Variants in NRG3 observed in about 807,000 individuals in gnomAD.
The protein encoded by NRG3 is pro-neuregulin-3, membrane-bound isoform.
NRG3 carries 31 observed loss-of-function variants against 66.9 expected under a neutral mutation model. The ratio of observed to expected loss-of-function variants is 0.46; its 90% CI spans 0.35 to 0.63. NRG3 has a LOEUF of 0.63. Among genes scored for constraint, NRG3 ranks in the 20% least tolerant of loss-of-function variants. NRG3 has a pLI of 0.00. For missense variants in NRG3, 910 were observed against 878.9 expected (o/e 1.04, Z -0.45); for synonymous variants, 393 against 359.4 (o/e 1.09, Z -1.06).
intron 2 of NRG3, among the ~76,000 whole-genome samples, chr10:82,479,932 C>T (rs919823170): frequency 2.6e-5 from 4 of 152,216 alleles, no homozygotes; most frequent in Non-Finnish European, 5.9e-5. Flanking sequence ...GGCGCCACTG[C>T]ACTCCAGCCT....
At chr10:82,572,407 C>T (rs665296) in intron 2 of NRG3, among the ~76,000 whole-genome samples, 1 of 151,302 alleles carries the variant, frequency 6.6e-6, no homozygotes, top group Non-Finnish European at 1.5e-5. Flanking sequence ...TTAGTAAAGT[C>T]GACTCAATCA....
chr10:82,868,611 A>G (rs1564584656), intron 4 of NRG3, among the ~76,000 whole-genome samples: 1 of 152,234 alleles, frequency 6.6e-6, no homozygotes, highest in Non-Finnish European at 1.5e-5. Flanking sequence ...ACTGACCTCA[A>G]TAATTCACCC....
chr10:82,257,505 C>G (rs542743687), intron 1 of NRG3, among the ~76,000 whole-genome samples: 2 of 152,236 alleles, frequency 1.3e-5, no homozygotes, highest in Admixed American at 1.3e-4. Context: ...CGTGGTGGCT[C>G]ATGCCTGTAA....
At chr10:82,186,825 GCTTTGAGATACTGGACT>G (rs1389190047) in intron 1 of NRG3, among the ~76,000 whole-genome samples, 1 of 152,178 alleles carries the variant, frequency 6.6e-6, no homozygotes, top group Non-Finnish European at 1.5e-5. Flanking sequence ...AGATTCTGAG[GCTTTGAGATACTGGACT>G]CTGGTCTGGT....
chr10:81,892,198 A>G (rs957941243), intron 1 of NRG3, among the ~76,000 whole-genome samples: 1 of 152,012 alleles, frequency 6.6e-6, no homozygotes, highest in Admixed American at 6.6e-5. Context: ...TAGGTGTGCT[A>G]TTGCCAAGTG....
chr10:82,036,993 T>G (rs1193189793), intron 1 of NRG3, among the ~76,000 whole-genome samples: 1 of 152,170 alleles, frequency 6.6e-6, no homozygotes, highest in Non-Finnish European at 1.5e-5. Flanking sequence ...TGTATGAATT[T>G]GATTATAATT....
chr10:82,932,937 C>A (rs770767493), intron 4 of NRG3, among the ~76,000 whole-genome samples: 6 of 152,146 alleles, frequency 3.9e-5, no homozygotes, highest in Non-Finnish European at 7.3e-5. Context: ...TTCTAACTCT[C>A]CTTTTCCAAT....
intron 2 of NRG3, among the ~76,000 whole-genome samples, chr10:82,704,453 A>G (rs934463143): frequency 6.6e-6 from 1 of 152,186 alleles, no homozygotes; most frequent in African/African-American, 2.4e-5. Context: ...CCACAAGGAT[A>G]TCATATGCTC....
chr10:82,257,348 G>A (rs1218443713), intron 1 of NRG3, among the ~76,000 whole-genome samples: 2 of 152,158 alleles, frequency 1.3e-5, no homozygotes, highest in African/African-American at 2.4e-5. Flanking sequence ...GTGGGTTACA[G>A]TGTGTTTCAT....
At chr10:82,235,343 A>AC (rs2076702361) in intron 1 of NRG3, among the ~76,000 whole-genome samples, 1 of 152,230 alleles carries the variant, frequency 6.6e-6, no homozygotes, top group Non-Finnish European at 1.5e-5. Flanking sequence ...CAATGTCTGG[A>AC]CTAGAGTATG....
At position 82,985,634 on chromosome 10, in the gene NRG3, T is replaced by C; in HGVS notation, c.*29T>C. 6.3e-7 allele frequency: 1 copy of C among 1,583,738 alleles called. No homozygotes were observed. Among genetic ancestry groups the C allele is most frequent in the Non-Finnish European group, 8.5e-7 (1 of 1,170,824 alleles). On this transcript the variant is annotated 3_prime_UTR_variant, in exon 9 of 9. Coordinates refer to ENST00000372141, the MANE Select transcript of NRG3 (RefSeq NM_001010848.4). ...GAGATGTAGGAATCTGTGCATTCTA[T>C]GCTTTGCTCAACAGGAAAGAGAGGA... is the stretch of plus-strand genomic sequence containing the variant.
At chr10:82,779,801 T>G (rs2060046958) in intron 3 of NRG3, among the ~76,000 whole-genome samples, 1 of 152,138 alleles carries the variant, frequency 6.6e-6, no homozygotes, top group African/African-American at 2.4e-5. Context: ...GGTATACATG[T>G]GCCATGGTGG....
intron 4 of NRG3, among the ~76,000 whole-genome samples, chr10:82,896,291 T>A (rs978948488): frequency 6.6e-6 from 1 of 152,208 alleles, no homozygotes; most frequent in Non-Finnish European, 1.5e-5. Context: ...CATGAAAAAC[T>A]GCTCTCTGGA....
chr10:82,648,246 A>G (rs976401790), intron 2 of NRG3, among the ~76,000 whole-genome samples: 11 of 152,142 alleles, frequency 7.2e-5, no homozygotes, highest in African/African-American at 2.2e-4. Context: ...TCCCAGCACC[A>G]TTTATTAAAT....
At chr10:82,634,456 A>G (rs1172762221) in intron 2 of NRG3, among the ~76,000 whole-genome samples, 1 of 152,192 alleles carries the variant, frequency 6.6e-6, no homozygotes, top group African/African-American at 2.4e-5. Context: ...GTTTAGAGGT[A>G]ATTAAAAATA....
intron 2 of NRG3, among the ~76,000 whole-genome samples, chr10:82,586,240 TAA>T (rs56840714): frequency 0.25 from 36,697 of 144,092 alleles, 4,774 homozygotes; most frequent in Admixed American, 0.33. Flanking sequence ...TTGAAATTAT[TAA>T]AAAAAAAAAA....
In NRG3 at chr10:82,607,608, T is replaced by C. The variant is rs550139163; in HGVS notation, c.954-130969T>C. On this transcript the variant is annotated intron_variant, in intron 2 of 8. Coordinates refer to ENST00000372141, the MANE Select transcript of NRG3 (RefSeq NM_001010848.4). ...TATAGTTGGATTAATATCTACCATA[T>C]TTGTTACTGTTTTCTATCCATTGCT... Among the ~76,000 whole-genome samples the C allele has an allele frequency of 2.8e-3, 429 of 152,238 alleles. 2 individuals are homozygous for C. The highest frequency in any genetic ancestry group is 0.01 in the African/African-American group (419 of 41,574).
intron 4 of NRG3, among the ~76,000 whole-genome samples, chr10:82,917,209 C>T (rs774789167): frequency 2.0e-5 from 3 of 152,122 alleles, no homozygotes; most frequent in Admixed American, 6.6e-5. Flanking sequence ...AAATAATTAC[C>T]GTGCAGTTTC....
At chr10:82,109,105 A>G (rs937153610) in intron 1 of NRG3, among the ~76,000 whole-genome samples, 1 of 152,182 alleles carries the variant, frequency 6.6e-6, no homozygotes, top group Non-Finnish European at 1.5e-5. Context: ...TTTCTTGAAT[A>G]AAAGAACCAA....
Sources: gnomAD v4.1 joint callset for allele counts (sites outside exome capture counted in the v4.1 genomes callset) on GRCh38, gnomAD v4.1.1 for gene constraint, MANE v1.5 for transcripts, NCBI Gene and HGNC (gene_info 2026-07-23, HGNC 2026-07-21) for gene names.